The following DUSP29 variants were observed in gnomAD, a reference collection of about 807,000 sequenced individuals.
DUSP29 encodes dual specificity phosphatase 29.
A neutral mutation model predicts 13.5 loss-of-function variants in DUSP29; 12 were observed. The ratio of observed to expected loss-of-function variants is 0.89; its 90% CI spans 0.57 to 1.44. The LOEUF is 1.44. DUSP29 is among the 40% of genes most tolerant of loss of function. The pLI, the probability that DUSP29 is intolerant of heterozygous loss-of-function variation, is 0.00. For missense variants in DUSP29, 308 were observed against 301.1 expected, an observed-to-expected ratio of 1.02 and a Z score of -0.17; for synonymous variants, 134 against 128.7, an observed-to-expected ratio of 1.04 and a Z score of -0.28.
At chr10:75,038,893 C>T (rs1014068522) in intron 3 of DUSP29, among the ~76,000 whole-genome samples, 1 of 152,032 alleles carries the variant, frequency 6.6e-6, no homozygotes, top group African/African-American at 2.4e-5. Flanking sequence ...CTGAGGTGGG[C>T]GGATCACTTG....
At chr10:75,065,104 C>A (rs1847167712) in intron 1 of DUSP29, among the ~76,000 whole-genome samples, 1 of 152,170 alleles carries the variant, frequency 6.6e-6, no homozygotes, top group South Asian at 2.1e-4. Context: ...CCTCCCTGAG[C>A]TCCAGTGCCT....
intron 1 of DUSP29, among the ~76,000 whole-genome samples, chr10:75,064,280 C>T (rs1847148642): frequency 1.3e-5 from 2 of 152,084 alleles, no homozygotes; most frequent in South Asian, 4.1e-4. Flanking sequence ...GAGGCCAAGG[C>T]AGGTGGATCA....
Position 75,051,141 on chromosome 10 carries a change from C to T in DUSP29, c.201-7124G>A, listed in dbSNP as rs114600237. On this transcript the variant is annotated intron_variant, in intron 2 of 3. Transcript: ENST00000338487. ...GCAGGCCCTCCTTCCAACACTCTGC[C>T]CTGGGTCATGATAGAATTCTCATGG... Among the ~76,000 whole-genome samples the T allele has an allele frequency of 5.9e-3, 900 of 152,266 alleles. 13 individuals are homozygous for T. Among genetic ancestry groups the T allele is most frequent in the African/African-American group, 0.019 (776 of 41,554 alleles).
intron 1 of DUSP29, among the ~76,000 whole-genome samples, chr10:75,065,004 C>T (rs999084147): frequency 6.6e-5 from 10 of 152,064 alleles, no homozygotes; most frequent in Middle Eastern, 3.2e-3. Context: ...TTCTATTTTG[C>T]GATTTCTACC....
At chr10:75,073,540 G>A (rs945517166) in intron 1 of DUSP29, among the ~76,000 whole-genome samples, 29 bp downstream of exon 1, 16 of 152,218 alleles carry the variant, frequency 1.1e-4, no homozygotes, top group African/African-American at 2.9e-4. Flanking sequence ...AACCCAAGGG[G>A]TGCCGGCCTC....
chr10:75,044,954 G>A (rs1466373183), intron 2 of DUSP29, among the ~76,000 whole-genome samples: 1 of 152,196 alleles, frequency 6.6e-6, no homozygotes, highest in Admixed American at 6.5e-5. Flanking sequence ...TGGAGACAAC[G>A]AAGGCCTTTC....
chr10:75,062,613 G>C (rs547077350), intron 1 of DUSP29, among the ~76,000 whole-genome samples: 3 of 152,140 alleles, frequency 2.0e-5, no homozygotes, highest in African/African-American at 7.2e-5. Flanking sequence ...GTGTGGAACC[G>C]TCCAGAAACC....
chr10:75,037,859 C>T lies in DUSP29; in HGVS notation c.640G>A (p.Glu214Lys). 6.2e-7 allele frequency: 1 copy of T among 1,609,212 alleles called. No homozygotes were observed. The highest frequency in any genetic ancestry group is 8.5e-7 in the Non-Finnish European group (1 of 1,177,832). ...GCCTACAGCTCCCTGCCATCCTCCT[C>T]CTCACCGTCCTGGCGCTGGGACCGT... ...RRRSQRQDGE[E>K]EDGREL The change falls in exon 4 of 4, where the codon GAG becomes AAG. Residue 214 changes from glutamate (E) to lysine (K), a missense_variant. Physicochemically the swap from Glu to Lys is moderately conservative, Grantham distance 56 (BLOSUM62 1). Transcript: ENST00000338487.
intron 2 of DUSP29, among the ~76,000 whole-genome samples, chr10:75,048,157 T>C (rs1846743277): frequency 6.6e-6 from 1 of 152,206 alleles, no homozygotes; most frequent in Non-Finnish European, 1.5e-5. Flanking sequence ...AAAATACATT[T>C]GATACTTGTT....
chr10:75,049,702 G>A (rs1038732326), intron 2 of DUSP29, among the ~76,000 whole-genome samples: 7 of 152,248 alleles, frequency 4.6e-5, no homozygotes, highest in Admixed American at 2.0e-4. Flanking sequence ...CGTGCTCGGT[G>A]CCTTAAGGCG....
intron 1 of DUSP29, among the ~76,000 whole-genome samples, chr10:75,060,592 C>G (rs1042642293): frequency 6.6e-6 from 1 of 151,968 alleles, no homozygotes; most frequent in Non-Finnish European, 1.5e-5. Flanking sequence ...CTCTCTTTTA[C>G]AAACTATATA....
chr10:75,051,228 G>A (rs1023234682), intron 2 of DUSP29, among the ~76,000 whole-genome samples: 2 of 152,202 alleles, frequency 1.3e-5, no homozygotes, highest in Non-Finnish European at 2.9e-5. Flanking sequence ...GGGACCCTGG[G>A]TGGCAAGGCA....
At chr10:75,059,868 A>G (rs1262659056) in intron 1 of DUSP29, among the ~76,000 whole-genome samples, 1 of 152,188 alleles carries the variant, frequency 6.6e-6, no homozygotes, top group African/African-American at 2.4e-5. Flanking sequence ...AGGTCATAAT[A>G]ATACTGAAGG....
intron 2 of DUSP29, among the ~76,000 whole-genome samples, chr10:75,046,971 C>G (rs1434114152): frequency 1.3e-5 from 2 of 152,306 alleles, no homozygotes; most frequent in Non-Finnish European, 2.9e-5. Flanking sequence ...TCAACATAAT[C>G]AAGTGGCAGT....
intron 2 of DUSP29, among the ~76,000 whole-genome samples, 169 bp from the exon 3 acceptor site, chr10:75,044,186 C>T (rs2134283288): frequency 6.6e-6 from 1 of 152,342 alleles, no homozygotes; most frequent in African/African-American, 2.4e-5. Context: ...AGGCCACCTG[C>T]ACTGTTTTGT....
In DUSP29 at chr10:75,048,611, G is replaced by A. The variant is rs1564641049; in HGVS notation, c.201-4594C>T. ...GACAGGGTTTCACCATGTTGGCCAG[G>A]CTGGTCTCAAATTCCTGACTTCAGG... On this transcript the variant is annotated intron_variant, in intron 2 of 3. Transcript: ENST00000338487. Among the ~76,000 whole-genome samples the A allele has an allele frequency of 1.2e-4, 18 of 152,130 alleles. No individual in the cohort carries two copies. In the South Asian group the frequency reaches 3.7e-3, roughly 32 times the overall value.
chr10:75,056,083 G>GT (rs372662075), intron 2 of DUSP29, among the ~76,000 whole-genome samples: 190 of 151,768 alleles, frequency 1.3e-3, no homozygotes, highest in African/African-American at 4.1e-3. Flanking sequence ...TGTTTTTTGT[G>GT]TTTTTTTTGT....
chr10:75,070,650 T>G (rs1847309773), intron 1 of DUSP29, among the ~76,000 whole-genome samples: 1 of 150,244 alleles, frequency 6.7e-6, no homozygotes, highest in Non-Finnish European at 1.5e-5. Flanking sequence ...AAAGAGTGGG[T>G]GGAGCAGTTT....
At chr10:75,054,770 T>A (rs1846918902) in intron 2 of DUSP29, among the ~76,000 whole-genome samples, 1 of 152,160 alleles carries the variant, frequency 6.6e-6, no homozygotes, top group South Asian at 2.1e-4. Flanking sequence ...TACAGCCCTG[T>A]GAGGAAGGTT....
Sources: gnomAD v4.1 joint callset for allele counts (sites outside exome capture counted in the v4.1 genomes callset) on GRCh38, gnomAD v4.1.1 for gene constraint, MANE v1.5 for transcripts, NCBI Gene and HGNC (gene_info 2026-07-23, HGNC 2026-07-21) for gene names.